Variants in ADCK2 observed in about 807,000 individuals in gnomAD.
The protein encoded by ADCK2 is aarF domain containing kinase 2.
Under a neutral mutation model 52.3 loss-of-function variants are expected in ADCK2, and 37 were observed. That is an observed-to-expected ratio of 0.71 (90% CI 0.54 to 0.93). The LOEUF (loss-of-function observed/expected upper bound fraction) is 0.93. Ranked by LOEUF, ADCK2 falls within the 40% of genes least tolerant of loss-of-function variation. The pLI, the probability that ADCK2 is intolerant of heterozygous loss-of-function variation, is 0.00. For synonymous variants in ADCK2, 321 were observed against 349.2 expected, an observed-to-expected ratio of 0.92 and a Z score of 0.90; for missense variants, 695 against 798.7, an observed-to-expected ratio of 0.87 and a Z score of 1.56.
chr7:140,684,618 G>C (rs1292417163), intron 4 of ADCK2, among the ~76,000 whole-genome samples: 1 of 152,216 alleles, frequency 6.6e-6, no homozygotes, highest in African/African-American at 2.4e-5. Flanking sequence ...CGAGGAGTCA[G>C]AGATCGAGCT....
At chr7:140,691,033 C>T (rs1297579369) in intron 7 of ADCK2, among the ~76,000 whole-genome samples, 1 of 152,052 alleles carries the variant, frequency 6.6e-6, no homozygotes, top group East Asian at 1.9e-4. Flanking sequence ...TCCAGTGATT[C>T]TCTTGCCTCA....
chr7:140,691,792 A>G (rs913190478), intron 7 of ADCK2, among the ~76,000 whole-genome samples: 2 of 152,112 alleles, frequency 1.3e-5, no homozygotes, highest in African/African-American at 4.8e-5. Context: ...GTCTTCCAAG[A>G]GGCAGGCACC....
intron 7 of ADCK2, among the ~76,000 whole-genome samples, chr7:140,691,534 G>A (rs1794702220): frequency 1.3e-5 from 2 of 152,156 alleles, no homozygotes; most frequent in Non-Finnish European, 2.9e-5. Flanking sequence ...GCCCTAGCGG[G>A]ACTGCTGTGG....
rs1381852038 is a variant in ADCK2 at position 140,679,245 on chromosome 7, C to T, written c.1171C>T (p.Pro391Ser). 8 of 1,614,122 alleles carry T rather than the reference C, an allele frequency of 5.0e-6. No homozygotes were observed. Among genetic ancestry groups the T allele is most frequent in the Non-Finnish European group, 6.8e-6 (8 of 1,180,012 alleles). Residue 391 changes from proline (P) to serine (S), a missense_variant, in exon 3 of 8, where the codon CCC becomes TCC. Physicochemically the swap from Pro to Ser is moderately conservative, Grantham distance 74. Transcript: ENST00000072869. The stretch of plus-strand genomic sequence containing the variant: ...CGTCAAGTTCCCCACCCCTCTGCGC[C>T]CCTTTGTCACCAGAGAAGTCTTGGT... ...KAVKFPTPLR[P>S]FVTREVLVET...
intron 4 of ADCK2, among the ~76,000 whole-genome samples, chr7:140,683,826 G>A (rs561360510): frequency 5.3e-5 from 8 of 152,266 alleles, no homozygotes; most frequent in South Asian, 4.1e-4. Flanking sequence ...AGGGACAGCC[G>A]TCCCCACCCC....
intron 5 of ADCK2, 91 bp downstream of exon 5, chr7:140,687,332 C>T (rs963014508): frequency 8.3e-6 from 12 of 1,452,286 alleles, no homozygotes; most frequent in African/African-American, 7.1e-5. Flanking sequence ...GTAATCCCAG[C>T]ACTTTGGAAG....
intron 3 of ADCK2, among the ~76,000 whole-genome samples, chr7:140,679,847 A>AC: frequency 6.7e-6 from 1 of 149,976 alleles, no homozygotes; most frequent in East Asian, 2.0e-4. Flanking sequence ...TAATTTTTGT[A>AC]TTTTTTAGTA....
At chr7:140,686,838 G>T in intron 4 of ADCK2, 152 bp from the exon 5 acceptor site, 3 of 949,400 alleles carry the variant, frequency 3.2e-6, no homozygotes, top group South Asian at 2.0e-5. Context: ...ATTCTGAGTT[G>T]ACATCTAAAC....
chr7:140,684,784 A>C, intron 4 of ADCK2, among the ~76,000 whole-genome samples: 1 of 152,162 alleles, frequency 6.6e-6, no homozygotes, highest in Non-Finnish European at 1.5e-5. Flanking sequence ...ACTCCACCCC[A>C]GGGCCTGTGG....
At chr7:140,686,104 GCTGTTTTTAAAGAAATGCAGTTCT>G (rs1217578667) in intron 4 of ADCK2, among the ~76,000 whole-genome samples, 10 of 152,196 alleles carry the variant, frequency 6.6e-5, no homozygotes, top group African/African-American at 9.7e-5. Context: ...TGATTTATGA[GCTGTTTTTAAAGAAATGCAGTTCT>G]ATGAGTTTAA....
rs761704942 is a variant in ADCK2 at position 140,694,766 on chromosome 7, G to A, written c.1844G>A (p.Arg615Lys). ...DPKLDILEAA[R>K]PFLLTGPVCP... ...AAACTGGACATCCTGGAGGCAGCGA[G>A]GCCCTTCCTCCTCACGGGCCCAGTG... The change falls in exon 8 of 8, where the codon AGG becomes AAG. Residue 615 changes from arginine (R) to lysine (K), a missense_variant. By Grantham distance (26) the Arg-to-Lys change is conservative. Transcript: ENST00000072869. The A allele has an allele frequency of 6.8e-6, 11 of 1,613,870 alleles. No homozygotes were observed. In the African/African-American group the frequency reaches 9.3e-5, roughly 14 times the overall value.
chr7:140,683,076 G>A (rs1020520633), intron 4 of ADCK2, among the ~76,000 whole-genome samples: 1 of 151,184 alleles, frequency 6.6e-6, no homozygotes, highest in Non-Finnish European at 1.5e-5. Context: ...GCCGAGGCAG[G>A]TGGATCACGA....
At chr7:140,677,323 G>A (rs1794437146) in intron 2 of ADCK2, among the ~76,000 whole-genome samples, 1 of 151,688 alleles carries the variant, frequency 6.6e-6, no homozygotes. Flanking sequence ...CAGGAGAATC[G>A]CTTGAACCCA....
rs1033876972 is a variant in ADCK2 at position 140,693,711 on chromosome 7, A to T, written c.1741-952A>T. Among the ~76,000 whole-genome samples, 3 of 151,904 alleles carry T rather than the reference A, an allele frequency of 2.0e-5. No individual in the cohort carries two copies. Among genetic ancestry groups the T allele is most frequent in the Admixed American group, 6.6e-5 (1 of 15,234 alleles). On this transcript the variant is annotated intron_variant, in intron 7 of 7. Coordinates refer to ENST00000072869, the MANE Select transcript of ADCK2 (RefSeq NM_052853.4). This position sits in a 1 kb window ranked among gnomAD's most constrained non-coding sequence, Gnocchi z 4.0. ...AGCAGTCAATTGTGTGTTGTCTCTG[A>T]TTTTTTTTATTTTTTTGAGATGGAG...
Position 140,689,729 on chromosome 7 carries a change from G to T in ADCK2, c.1686+4G>T. On this transcript the variant is annotated splice_donor_region_variant and intron_variant, in intron 6 of 7. Coordinates refer to ENST00000072869, the MANE Select transcript of ADCK2 (RefSeq NM_052853.4). ...GAACACCATCACCCTGGAGAAGGTG[G>T]GCAGGTCACTTGCGGAACAGGGGCT... 6.2e-7 allele frequency: 1 copy of T among 1,609,604 alleles called. No individual in the cohort carries two copies. Among genetic ancestry groups the T allele is most frequent in the Non-Finnish European group, 8.5e-7 (1 of 1,177,392 alleles).
At chr7:140,690,700 G>A in intron 6 of ADCK2, 60 bp from the exon 7 acceptor site, 2 of 1,523,220 alleles carry the variant, frequency 1.3e-6, no homozygotes, top group East Asian at 2.3e-5. Flanking sequence ...GGGGGTGGTG[G>A]GAAATGAGCG....
Position 140,686,988 on chromosome 7 carries a change from A to G in ADCK2, c.1306-2A>G. The stretch of plus-strand genomic sequence containing the variant: ...CTCATGAGCATTGTGATCTCCTTCC[A>G]GATATTTGTGGATAACTTTGTCCAT... On this transcript the variant is annotated splice_acceptor_variant, in intron 4 of 7. Coordinates refer to ENST00000072869, the MANE Select transcript of ADCK2 (RefSeq NM_052853.4). LOFTEE classifies it high-confidence loss of function. The G allele has an allele frequency of 6.2e-7, 1 of 1,611,664 alleles. No homozygotes were observed. Among genetic ancestry groups the G allele is most frequent in the African/African-American group, 1.3e-5 (1 of 74,984 alleles).
At chr7:140,690,330 G>A (rs1794683377) in intron 6 of ADCK2, among the ~76,000 whole-genome samples, 2 of 152,124 alleles carry the variant, frequency 1.3e-5, no homozygotes, top group African/African-American at 4.8e-5. Context: ...AGCCTCCCGA[G>A]TAGCTGGGAT....
chr7:140,679,001 G>A (rs1031241521), intron 2 of ADCK2, among the ~76,000 whole-genome samples, 154 bp from the exon 3 acceptor site: 11 of 152,318 alleles, frequency 7.2e-5, no homozygotes, highest in Admixed American at 3.3e-4. Flanking sequence ...TGTAGCCCAC[G>A]GATGTCGCCT....
Sources: gnomAD v4.1 joint callset for allele counts (sites outside exome capture counted in the v4.1 genomes callset) on GRCh38, gnomAD v4.1.1 for gene constraint, Gnocchi (gnomAD v3.1) non-coding constraint, MANE v1.5 for transcripts, NCBI Gene and HGNC (gene_info 2026-07-23, HGNC 2026-07-21) for gene names.